The following ACSS3 variants were observed in gnomAD, a reference collection of about 807,000 sequenced individuals.
ACSS3 encodes the protein acyl-CoA synthetase short-chain family member 3, mitochondrial.
A neutral mutation model predicts 84.2 loss-of-function variants in ACSS3; 64 were observed. That is an observed-to-expected ratio of 0.76 (90% CI 0.62 to 0.94). The LOEUF is 0.94. Among genes scored for constraint, ACSS3 ranks in the 40% least tolerant of loss-of-function variants. The pLI is 0.00. For missense variants in ACSS3, 815 were observed against 867.6 expected (o/e 0.94, Z 0.76); for synonymous variants, 317 against 310.1 (o/e 1.02, Z -0.23).
rs554962689 is a variant in ACSS3 at position 81,080,824 on chromosome 12, A to T, written c.311+2393A>T. Reference sequence around the variant, plus strand: ...AAGTGAGAGTCAACTAACTGGATACATAGCTTTGATGATTTTTGTTGCTAT... The same window carrying T: ...AAGTGAGAGTCAACTAACTGGATACTTAGCTTTGATGATTTTTGTTGCTAT... On this transcript the variant is annotated intron_variant, in intron 1 of 15. Coordinates refer to ENST00000548058, the MANE Select transcript of ACSS3 (RefSeq NM_024560.4). 2.6e-4 allele frequency among the ~76,000 whole-genome samples: 39 copies of T among 152,344 alleles called. 1 individual carries two copies. Among genetic ancestry groups the T allele is most frequent in the East Asian group, 1.3e-3 (7 of 5,188 alleles).
At chr12:81,247,438 T>C (rs2034018160) in intron 13 of ACSS3, among the ~76,000 whole-genome samples, 1 of 152,086 alleles carries the variant, frequency 6.6e-6, no homozygotes, top group African/African-American at 2.4e-5. Context: ...CAGAATGAGA[T>C]AGGCAGAAAA....
intron 9 of ACSS3, among the ~76,000 whole-genome samples, chr12:81,213,130 C>G (rs1273183667): frequency 2.0e-5 from 3 of 152,168 alleles, no homozygotes; most frequent in Non-Finnish European, 4.4e-5. Flanking sequence ...TTTCTTGTCT[C>G]CATAAATAAC....
At position 81,078,098 on chromosome 12, in the gene ACSS3, G is replaced by C; in HGVS notation, c.-23G>C. On this transcript the variant is annotated 5_prime_UTR_variant, in exon 1 of 16. Coordinates refer to ENST00000548058, the MANE Select transcript of ACSS3 (RefSeq NM_024560.4). The stretch of plus-strand genomic sequence containing the variant: ...AAGAGTACCATTTGTCGCACACTCG[G>C]GGACCGCGGGTGGCCGGAGGAGATG... 1 of 1,459,930 alleles carries C rather than the reference G, an allele frequency of 6.8e-7. No individual in the cohort carries two copies. The highest frequency in any genetic ancestry group is 9.0e-7 in the Non-Finnish European group (1 of 1,107,748). The allele number at this position is 1,459,930 out of a possible 1,614,324, so 90.4% of individuals were successfully genotyped here.
rs1055194880 is a variant in ACSS3 at position 81,151,919 on chromosome 12, G to C, written c.997G>C (p.Gly333Arg). 1 of 1,613,590 alleles carries C rather than the reference G, an allele frequency of 6.2e-7. No homozygotes were observed. The highest frequency in any genetic ancestry group is 1.3e-5 in the African/African-American group (1 of 74,882). The change falls in exon 6 of 16, where the codon GGA becomes CGA. Residue 333 changes from glycine to arginine, a missense_variant. Physicochemically the swap from Gly to Arg is moderately radical, Grantham distance 125. Transcript: ENST00000548058. ...GTCTTCCATATACGGACTTCAACCC[G>C]GAGAGGTAATCGTGGTTTTAAATTT... ...SMSSIYGLQP[G>R]EVWWAASDLG...
At chr12:81,121,231 T>C (rs1884567219) in intron 2 of ACSS3, among the ~76,000 whole-genome samples, 1 of 152,154 alleles carries the variant, frequency 6.6e-6, no homozygotes, top group African/African-American at 2.4e-5. Context: ...GTGTGGTTGG[T>C]GTAGTCAGGG....
At chr12:81,213,793 TTTCTCTTCTC>T (rs751583733) in intron 9 of ACSS3, among the ~76,000 whole-genome samples, 9 of 30,858 alleles carry the variant, frequency 2.9e-4, no homozygotes, top group East Asian at 1.4e-3. Flanking sequence ...TCTCTTCTCT[TTTCTCTTCTC>T]TTCTCTTCTC....
chr12:81,235,734 C>G (rs1169261318), intron 13 of ACSS3, among the ~76,000 whole-genome samples: 1 of 151,234 alleles, frequency 6.6e-6, no homozygotes, highest in Non-Finnish European at 1.5e-5. Flanking sequence ...AATTTTTTAG[C>G]TATTATACAT....
intron 7 of ACSS3, among the ~76,000 whole-genome samples, chr12:81,169,916 T>G (rs2029898943): frequency 1.3e-5 from 2 of 152,162 alleles, no homozygotes; most frequent in South Asian, 4.1e-4. Flanking sequence ...GTCTTCACCT[T>G]AGAACTGCTG....
intron 7 of ACSS3, among the ~76,000 whole-genome samples, chr12:81,159,780 C>T (rs563837573): frequency 3.9e-5 from 6 of 152,318 alleles, no homozygotes; most frequent in Non-Finnish European, 7.3e-5. Flanking sequence ...AGTGTGTATG[C>T]GCATTCACAT....
intron 4 of ACSS3, among the ~76,000 whole-genome samples, chr12:81,142,177 T>A (rs1371589608): frequency 6.6e-6 from 1 of 152,216 alleles, no homozygotes; most frequent in Non-Finnish European, 1.5e-5. Context: ...CATCTCTAGA[T>A]AGTAGATCTC....
chr12:81,139,041 A>C, intron 3 of ACSS3, 90 bp from the exon 4 acceptor site: 1 of 1,343,392 alleles, frequency 7.4e-7, no homozygotes, highest in South Asian at 1.3e-5. Flanking sequence ...TTCTTTACAA[A>C]TGTTGAATTG....
chr12:81,098,360 G>A (rs964691189), intron 1 of ACSS3, among the ~76,000 whole-genome samples: 1 of 152,054 alleles, frequency 6.6e-6, no homozygotes, highest in African/African-American at 2.4e-5. Context: ...TTATTTCAGT[G>A]TTTACTATTA....
At chr12:81,199,766 C>T in intron 9 of ACSS3, 2 of 1,026,878 alleles carry the variant, frequency 1.9e-6, no homozygotes, top group Non-Finnish European at 2.7e-6. Flanking sequence ...TTCATTCCAC[C>T]TTCAGTATTC....
At chr12:81,156,794 T>C (rs1886895187) in intron 7 of ACSS3, among the ~76,000 whole-genome samples, 1 of 152,196 alleles carries the variant, frequency 6.6e-6, no homozygotes, top group Non-Finnish European at 1.5e-5. Context: ...ATCCAATATG[T>C]AATTAAATAG....
chr12:81,118,995 C>A (rs116234767), intron 2 of ACSS3, among the ~76,000 whole-genome samples: 2,102 of 152,224 alleles, frequency 0.014, 46 homozygotes, highest in African/African-American at 0.048. Context: ...GGGGAACCCA[C>A]CCCCGATATT....
chr12:81,086,505 A>T (rs549400105), intron 1 of ACSS3, among the ~76,000 whole-genome samples: 1 of 152,312 alleles, frequency 6.6e-6, no homozygotes, highest in African/African-American at 2.4e-5. Context: ...GGAATGCTGC[A>T]ATTACATAAG....
intron 2 of ACSS3, among the ~76,000 whole-genome samples, chr12:81,126,354 A>C (rs1885095047): frequency 6.6e-6 from 1 of 152,048 alleles, no homozygotes; most frequent in Non-Finnish European, 1.5e-5. Context: ...TTGTCTGTGT[A>C]TTTTCTTTCC....
intron 8 of ACSS3, among the ~76,000 whole-genome samples, chr12:81,190,766 G>T (rs986905103): frequency 6.6e-6 from 1 of 151,896 alleles, no homozygotes; most frequent in Non-Finnish European, 1.5e-5. Context: ...TTGGAGAAAA[G>T]CTATCAAATT....
At chr12:81,162,900 G>A (rs1284757979) in intron 7 of ACSS3, among the ~76,000 whole-genome samples, 2 of 152,150 alleles carry the variant, frequency 1.3e-5, no homozygotes, top group African/African-American at 4.8e-5. Flanking sequence ...CCACAACTTT[G>A]CTATGAAATC....
Sources: allele counts gnomAD v4.1 joint callset (sites outside exome capture counted in the v4.1 genomes callset), GRCh38; gene constraint gnomAD v4.1.1; transcripts MANE v1.5; gene names NCBI Gene and HGNC (gene_info 2026-07-23, HGNC 2026-07-21).